CHRNA4: variants seen among roughly 807,000 people sequenced by gnomAD.
CHRNA4 encodes the protein neuronal acetylcholine receptor subunit alpha-4.
Under a neutral mutation model 48.9 loss-of-function variants are expected in CHRNA4, and 28 were observed. The observed-to-expected ratio is 0.57, with a 90% CI of 0.42 to 0.79. CHRNA4 has a LOEUF of 0.79. CHRNA4 is among the 30% of genes least tolerant of loss of function. CHRNA4 has a pLI of 0.00. For synonymous variants in CHRNA4, 425 were observed against 402.3 expected (o/e 1.06, Z -0.68); for missense variants, 859 against 898.4 (o/e 0.96, Z 0.56).
intron 5 of CHRNA4, among the ~76,000 whole-genome samples, chr20:63,347,490 C>G (rs892680078): frequency 6.6e-6 from 1 of 152,204 alleles, no homozygotes; most frequent in Admixed American, 6.5e-5. Context: ...GGTCCGGCTT[C>G]TAACCCCACA....
At position 63,346,302 on chromosome 20, in the gene CHRNA4, C is replaced by T; in HGVS notation, c.*436G>A. 1 of 454,302 alleles carries T rather than the reference C, an allele frequency of 2.2e-6. No homozygotes were observed. The highest frequency in any genetic ancestry group is 4.4e-6 in the Non-Finnish European group (1 of 226,878). 28.1% of individuals were successfully genotyped at this position (454,302 alleles called of 1,614,324 possible). On this transcript the variant is annotated 3_prime_UTR_variant, in exon 6 of 6. Coordinates refer to ENST00000370263, the MANE Select transcript of CHRNA4 (RefSeq NM_000744.7). ...AGGACACGGTGGGTGGGAGAGGCGGCCGGGCCTCCAGAAGACGGGGCGCTT... is the reference window on the plus strand; with the variant it reads ...AGGACACGGTGGGTGGGAGAGGCGGTCGGGCCTCCAGAAGACGGGGCGCTT...
intron 5 of CHRNA4, among the ~76,000 whole-genome samples, chr20:63,348,600 C>T (rs1205711578): frequency 6.6e-6 from 1 of 152,216 alleles, no homozygotes; most frequent in Admixed American, 6.5e-5. Context: ...GGAGGTGGCC[C>T]ACTGAGGGCA....
chr20:63,348,932 G>A (rs1601470129), intron 5 of CHRNA4, among the ~76,000 whole-genome samples: 2 of 152,222 alleles, frequency 1.3e-5, no homozygotes, highest in Admixed American at 6.5e-5. Flanking sequence ...CGGGTAACAC[G>A]GACATGGCTG....
Position 63,345,963 on chromosome 20 carries a change from A to T in CHRNA4, c.*775T>A, listed in dbSNP as rs1479991763. 6 of 454,022 alleles carry T rather than the reference A, an allele frequency of 1.3e-5. No homozygotes were observed. In the Admixed American group the frequency reaches 1.4e-4, roughly 11 times the overall value. The allele number at this position is 454,022 out of a possible 1,614,324, so 28.1% of individuals were successfully genotyped here. A position where few individuals can be genotyped will look rare whatever the true frequency, so the allele number is the denominator to read the frequency against. ...GCCAGAGCCCTGGCCCTACGCCTGG[A>T]AGGCAGAGTCCTGGTCTCCAGACTC... On this transcript the variant is annotated 3_prime_UTR_variant, in exon 6 of 6. Transcript: ENST00000370263. This position sits in a 1 kb window ranked among gnomAD's most constrained non-coding sequence, Gnocchi z 5.4.
At chr20:63,354,763 T>G (rs2068692707) in intron 4 of CHRNA4, 2 of 468,308 alleles carry the variant, frequency 4.3e-6, no homozygotes, top group Non-Finnish European at 5.6e-6. Context: ...CCCTGAAATG[T>G]GTCCATGCGA....
Position 63,344,570 on chromosome 20 carries a change from G to A in CHRNA4, c.*2168C>T, listed in dbSNP as rs1431994379. The A allele has an allele frequency of 6.6e-6, 3 of 453,162 alleles. No individual in the cohort carries two copies. The highest frequency in any genetic ancestry group is 1.3e-5 in the Non-Finnish European group (3 of 226,572). The allele number at this position is 453,162 out of a possible 1,614,324, so 28.1% of individuals were successfully genotyped here. Reference sequence around the variant, plus strand: ...CCGGCAGGAGGGTCCCCCGGCAGGAGCGTCCCAGCCACTCCGCAGTCACTC... The same window carrying A: ...CCGGCAGGAGGGTCCCCCGGCAGGAACGTCCCAGCCACTCCGCAGTCACTC... On this transcript the variant is annotated 3_prime_UTR_variant, in exon 6 of 6. Coordinates refer to ENST00000370263, the MANE Select transcript of CHRNA4 (RefSeq NM_000744.7). The surrounding 1 kb of genome is among the most constrained non-coding windows in gnomAD (Gnocchi z 4.5).
At chr20:63,351,162 T>TCCACGCCCACAC in intron 4 of CHRNA4, 135 bp from the exon 5 acceptor site, 2 of 465,106 alleles carry the variant, frequency 4.3e-6, no homozygotes, top group East Asian at 6.8e-5. Context: ...CACGCCCACA[T>TCCACGCCCACAC]CCACGTCCAC....
chr20:63,357,480 T>G (rs1398367982), intron 2 of CHRNA4, among the ~76,000 whole-genome samples: 4 of 152,234 alleles, frequency 2.6e-5, no homozygotes, highest in Non-Finnish European at 5.9e-5. Context: ...CACTCAGCAC[T>G]GGCCTGGGCT....
chr20:63,349,541 C>A lies in CHRNA4; in HGVS notation c.1758+112G>T, dbSNP rs561893470. 7 of 1,401,366 alleles carry A rather than the reference C, an allele frequency of 5.0e-6. No homozygotes were observed. In the Admixed American group the frequency reaches 8.5e-5, roughly 17 times the overall value. 86.8% of individuals were successfully genotyped at this position (1,401,366 alleles called of 1,614,324 possible). On this transcript the variant is annotated intron_variant, in intron 5 of 5. Transcript: ENST00000370263. ...AGGGGCCACGCCCTGCACCCCAAAG[C>A]GAAGCAGCCTGAGGCCTGGGCCCGG...
rs1300648150 is a variant in CHRNA4 at position 63,346,543 on chromosome 20, G to T, written c.*195C>A. On this transcript the variant is annotated 3_prime_UTR_variant, in exon 6 of 6. Coordinates refer to ENST00000370263, the MANE Select transcript of CHRNA4 (RefSeq NM_000744.7). Reference sequence around the variant, plus strand: ...TGAGGCCACAGTCCAACTGGAAGCAGCTCCACACTCGGTCTCCCCAGAGGC... The same window carrying T: ...TGAGGCCACAGTCCAACTGGAAGCATCTCCACACTCGGTCTCCCCAGAGGC... 1 of 807,848 alleles carries T rather than the reference G, an allele frequency of 1.2e-6. No individual in the cohort carries two copies. Among genetic ancestry groups the T allele is most frequent in the Non-Finnish European group, 2.1e-6 (1 of 486,370 alleles). The allele number at this position is 807,848 out of a possible 1,614,324, so 50.0% of individuals were successfully genotyped here.
chr20:63,352,139 G>T (rs1395512842), intron 4 of CHRNA4, among the ~76,000 whole-genome samples: 3 of 151,582 alleles, frequency 2.0e-5, no homozygotes, highest in Non-Finnish European at 4.4e-5. Flanking sequence ...AAGCTGCCTG[G>T]ACCCCTGCCC....
chr20:63,354,810 G>T (rs375201666), intron 4 of CHRNA4: 1 of 208,602 alleles, frequency 4.8e-6, no homozygotes, highest in African/African-American at 2.4e-5. Context: ...TCCTGGTGGC[G>T]GGGAGCTAGG....
chr20:63,359,807 C>A, intron 1 of CHRNA4, 108 bp from the exon 2 acceptor site: 1 of 1,348,762 alleles, frequency 7.4e-7, no homozygotes, highest in Non-Finnish European at 1.0e-6. Flanking sequence ...CGTCCACTTC[C>A]TTTCAGCTCC....
intron 4 of CHRNA4, chr20:63,354,419 G>A (rs1265492540): frequency 1.3e-5 from 2 of 150,840 alleles, no homozygotes; most frequent in African/African-American, 2.5e-5. Flanking sequence ...TAGCCCTAGG[G>A]TGGGATGAAG....
chr20:63,353,703 G>A (rs1194830506), intron 4 of CHRNA4, among the ~76,000 whole-genome samples: 2 of 65,528 alleles, frequency 3.1e-5, no homozygotes, highest in Non-Finnish European at 6.4e-5. Context: ...TGTGGTCCTG[G>A]GGGGGCTGCG....
intron 2 of CHRNA4, among the ~76,000 whole-genome samples, chr20:63,356,767 G>A (rs1682992116): frequency 6.6e-6 from 1 of 152,130 alleles, no homozygotes; most frequent in African/African-American, 2.4e-5. Flanking sequence ...CAGCCCCTCT[G>A]CAGACAAGGC....
intron 4 of CHRNA4, chr20:63,355,274 C>T (rs2068699907): frequency 2.9e-6 from 1 of 350,850 alleles, no homozygotes; most frequent in Non-Finnish European, 5.6e-6. Flanking sequence ...CACCATCTGC[C>T]ACGGCCAATC....
Position 63,349,709 on chromosome 20 carries a change from C to T in CHRNA4, c.1702G>A (p.Val568Met). The T allele has an allele frequency of 2.5e-6, 4 of 1,612,878 alleles. No homozygotes were observed. The highest frequency in any genetic ancestry group is 3.4e-6 in the Non-Finnish European group (4 of 1,179,896). ...LPLSPALTRA[V>M]EGVQYIADHL... The stretch of plus-strand genomic sequence containing the variant: ...TCTGCAATGTACTGGACGCCCTCCA[C>T]CGCCCGGGTCAGGGCCGGCGACAGG... The change falls in exon 5 of 6, where the codon GTG becomes ATG. Residue 568 changes from valine (V) to methionine (M), a missense_variant. Physicochemically the swap from Val to Met is conservative, Grantham distance 21. This residue lies in a region of CHRNA4 where 478 missense variants were observed against 455.4 expected (regional missense o/e 1.05). Transcript: ENST00000370263.
intron 4 of CHRNA4, among the ~76,000 whole-genome samples, chr20:63,352,752 G>A (rs960768224): frequency 2.0e-5 from 3 of 152,198 alleles, no homozygotes; most frequent in Non-Finnish European, 4.4e-5. Flanking sequence ...GCAGGTCTGC[G>A]CCACTCTGGG....
Sources: allele counts gnomAD v4.1 joint callset (sites outside exome capture counted in the v4.1 genomes callset), GRCh38; gene constraint gnomAD v4.1.1; regional missense constraint gnomAD v4.1.1; non-coding constraint Gnocchi (gnomAD v3.1); transcripts MANE v1.5; gene names NCBI Gene and HGNC (gene_info 2026-07-23, HGNC 2026-07-21).